The following SLC18B1 variants were observed in gnomAD, a reference collection of about 807,000 sequenced individuals.
SLC18B1 encodes the protein MFS-type transporter SLC18B1.
A neutral mutation model predicts 53.9 loss-of-function variants in SLC18B1; 62 were observed. The ratio of observed to expected loss-of-function variants is 1.15; its 90% confidence interval spans 0.94 to 1.42. SLC18B1 has a LOEUF of 1.42. Ranked by LOEUF, SLC18B1 falls within the 40% of genes most tolerant of loss-of-function variation. SLC18B1 has a pLI of 0.00. For synonymous variants in SLC18B1, 217 were observed against 200.9 expected (o/e 1.08, Z -0.68); for missense variants, 598 against 547.3 (o/e 1.09, Z -0.93).
chr6:132,778,769 A>G (rs1781156553), intron 7 of SLC18B1, among the ~76,000 whole-genome samples: 1 of 152,196 alleles, frequency 6.6e-6, no homozygotes, highest in African/African-American at 2.4e-5. Context: ...AGAATTCAAC[A>G]TTTTATTTTT....
At chr6:132,796,354 C>CAAAAAAAAAAAAAAAAAAAAAA (rs780737208) in intron 2 of SLC18B1, among the ~76,000 whole-genome samples, 1 of 44,704 alleles carries the variant, frequency 2.2e-5, no homozygotes, top group African/African-American at 1.1e-4. Context: ...GACTCCATCT[C>CAAAAAAAAAAAAAAAAAAAAAA]AAAAAAAAAA....
intron 4 of SLC18B1, chr6:132,789,410 T>G (rs1781466736): frequency 5.7e-6 from 1 of 176,762 alleles, no homozygotes; most frequent in Non-Finnish European, 1.2e-5. Flanking sequence ...TTCAAATCTG[T>G]ATTCTGATAT....
At chr6:132,787,262 T>C (rs1781400523) in intron 5 of SLC18B1, among the ~76,000 whole-genome samples, 172 bp downstream of exon 5, 1 of 152,128 alleles carries the variant, frequency 6.6e-6, no homozygotes, top group South Asian at 2.1e-4. Context: ...GTGAAACCAA[T>C]GTTACATTTA....
chr6:132,774,313 G>T lies in SLC18B1; in HGVS notation c.898C>A (p.Pro300Thr). ...AACACCAGAAGCCATTTCCTTAGAG[G>T]CTGGTAAAGGAGAAAGAGAGTCAAA... Reference protein sequence around the residue: ...LFGLLSDKRPPLRKWLLVFGN... With the variant: ...LFGLLSDKRPTLRKWLLVFGN... The change falls in exon 9 of 14, where the codon CCT becomes ACT. Residue 300 changes from proline (P) to threonine (T), a missense_variant and splice_region_variant. Transcript: ENST00000275227. 4 of 1,610,780 alleles carry T rather than the reference G, an allele frequency of 2.5e-6. No homozygotes were observed. The highest frequency in any genetic ancestry group is 2.5e-6 in the Non-Finnish European group (3 of 1,177,954).
At position 132,770,756 on chromosome 6, in the gene SLC18B1, G is replaced by C. The variant is rs1453087256; in HGVS notation, c.1304+134C>G. On this transcript the variant is annotated intron_variant, in intron 13 of 13. Coordinates refer to ENST00000275227, the MANE Select transcript of SLC18B1 (RefSeq NM_052831.3). ...ATCTCAAAAAATAAAAATTAAAAAAGTATCTACCAACTGATGAGCCTCAGA... is the reference window on the plus strand; with the variant it reads ...ATCTCAAAAAATAAAAATTAAAAAACTATCTACCAACTGATGAGCCTCAGA... 1.3e-5 allele frequency: 11 copies of C among 856,270 alleles called. No homozygotes were observed. In the African/African-American group the frequency reaches 1.9e-4, roughly 15 times the overall value. The allele number at this position is 856,270 out of a possible 1,614,324, so 53.0% of individuals were successfully genotyped here.
chr6:132,786,274 G>A (rs966136577), intron 5 of SLC18B1, among the ~76,000 whole-genome samples: 1 of 152,136 alleles, frequency 6.6e-6, no homozygotes, highest in African/African-American at 2.4e-5. Context: ...TGCCGGGCAC[G>A]GTGGCTCACG....
intron 5 of SLC18B1, among the ~76,000 whole-genome samples, chr6:132,785,752 C>T (rs1435108715): frequency 2.6e-5 from 4 of 151,750 alleles, no homozygotes; most frequent in African/African-American, 9.7e-5. Context: ...AAGAGATCAA[C>T]AAGTCTTGTT....
Position 132,797,095 on chromosome 6 carries a change from CTCCTGCACT to C in SLC18B1, c.61_69del (p.Ser21_Gly23del), listed in dbSNP as rs1341313683. ...TCTCTCGAAAGCCACCCGGGGGTCT[CTCCTGCACT>C]TCCTGCAGGATCATCACCTTGAATG... is the stretch of plus-strand genomic sequence containing the variant. On this transcript the variant is annotated inframe_deletion, in exon 2 of 14. Transcript: ENST00000275227. The C allele has an allele frequency of 1.2e-6, 2 of 1,613,848 alleles. No individual in the cohort carries two copies. Among genetic ancestry groups the C allele is most frequent in the African/African-American group, 2.7e-5 (2 of 74,898 alleles).
chr6:132,777,246 CA>C (rs1055195241), intron 7 of SLC18B1, among the ~76,000 whole-genome samples: 12 of 151,596 alleles, frequency 7.9e-5, no homozygotes, highest in African/African-American at 2.9e-4. Flanking sequence ...GTCTCAAAAG[CA>C]AAAAAAGTTC....
At chr6:132,770,461 C>T in intron 13 of SLC18B1, 125 bp from the exon 14 acceptor site, 1 of 787,054 alleles carries the variant, frequency 1.3e-6, no homozygotes, top group Non-Finnish European at 2.1e-6. Context: ...ACTGCCCGGG[C>T]ATGGTGGCTC....
intron 10 of SLC18B1, 116 bp downstream of exon 10, chr6:132,772,877 G>T (rs9402453): frequency 0.062 from 41,124 of 665,560 alleles, 1,428 homozygotes; most frequent in Middle Eastern, 0.092. Flanking sequence ...AAATCATGAA[G>T]ATTTAACATT....
At chr6:132,797,923 A>G (rs1185582049) in intron 1 of SLC18B1, among the ~76,000 whole-genome samples, 1 of 152,234 alleles carries the variant, frequency 6.6e-6, no homozygotes, top group Non-Finnish European at 1.5e-5. Flanking sequence ...TTTATAAATT[A>G]AATTGTTTTT....
intron 2 of SLC18B1, among the ~76,000 whole-genome samples, chr6:132,792,280 A>AAAG (rs1554223267): frequency 1.2e-4 from 5 of 42,674 alleles, no homozygotes; most frequent in African/African-American, 5.1e-4. Context: ...AGAAAGAAAG[A>AAAG]AAGGAAGAAA....
At chr6:132,776,519 A>G (rs1781104646) in intron 7 of SLC18B1, 90 bp from the exon 8 acceptor site, 6 of 867,128 alleles carry the variant, frequency 6.9e-6, no homozygotes, top group Admixed American at 4.9e-5. Context: ...TTTAGCTCTT[A>G]TTACCATGAG....
intron 5 of SLC18B1, among the ~76,000 whole-genome samples, chr6:132,784,385 T>C (rs570438210): frequency 6.6e-6 from 1 of 151,376 alleles, no homozygotes; most frequent in East Asian, 2.0e-4. Flanking sequence ...CATAAAAAAA[T>C]CAAAAGATAA....
chr6:132,778,098 G>A (rs1048983632), intron 7 of SLC18B1, among the ~76,000 whole-genome samples: 3 of 152,134 alleles, frequency 2.0e-5, no homozygotes, highest in African/African-American at 7.2e-5. Flanking sequence ...CAGGGGCGAG[G>A]GACACAAGGT....
At chr6:132,780,455 T>G (rs919540777) in intron 6 of SLC18B1, among the ~76,000 whole-genome samples, 6 of 152,248 alleles carry the variant, frequency 3.9e-5, no homozygotes, top group African/African-American at 1.2e-4. Flanking sequence ...CTGTAAATAC[T>G]TGTTGAATCA....
intron 2 of SLC18B1, among the ~76,000 whole-genome samples, chr6:132,796,723 A>C (rs1781699542): frequency 6.6e-6 from 1 of 152,044 alleles, no homozygotes; most frequent in Non-Finnish European, 1.5e-5. Context: ...ATCAGACTAC[A>C]TGGTAAGAAA....
In SLC18B1 at chr6:132,798,472, TCCGGCGCCCCAGCTC is replaced by T; in HGVS notation, c.-31_-17del. ...GCGCCTCCATCCCCGGTGCGTGGAC[TCCGGCGCCCCAGCTC>T]CCGGCTTCAAGCCACGTCCTTGGAC... On this transcript the variant is annotated 5_prime_UTR_variant, in exon 1 of 14. Coordinates refer to ENST00000275227, the MANE Select transcript of SLC18B1 (RefSeq NM_052831.3). The T allele has an allele frequency of 6.7e-7, 1 of 1,498,546 alleles. No individual in the cohort carries two copies. The highest frequency in any genetic ancestry group is 8.9e-7 in the Non-Finnish European group (1 of 1,118,464). 92.8% of individuals were successfully genotyped at this position (1,498,546 alleles called of 1,614,324 possible). A position where few individuals can be genotyped will look rare whatever the true frequency, so the allele number is the denominator to read the frequency against.
Sources: allele counts gnomAD v4.1 joint callset (sites outside exome capture counted in the v4.1 genomes callset), GRCh38; gene constraint gnomAD v4.1.1; transcripts MANE v1.5; gene names NCBI Gene and HGNC (gene_info 2026-07-23, HGNC 2026-07-21).